Variants in ODAD2 observed in about 807,000 individuals in gnomAD.
ODAD2 encodes outer dynein arm docking complex subunit 2, also known as outer dynein arm-docking complex subunit 2.
In ODAD2, 89 loss-of-function variants were observed where a neutral mutation model predicts 106.8. The observed-to-expected ratio is 0.83, with a 90% confidence interval of 0.70 to 0.99. The LOEUF (loss-of-function observed/expected upper bound fraction) is 0.99. ODAD2 is among the 50% of genes least tolerant of loss of function. The probability of loss-of-function intolerance (pLI) is 0.00; values close to 1 mark genes in which losing one functional copy is unlikely to be tolerated. For missense variants in ODAD2, 1,168 were observed against 1,238.5 expected, an observed-to-expected ratio of 0.94 and a Z score of 0.85; for synonymous variants, 404 against 436.2, an observed-to-expected ratio of 0.93 and a Z score of 0.92.
rs533171697 is a variant in ODAD2, at chr10:27,850,177, G to T, written c.3021+10448C>A. 1.5e-4 allele frequency among the ~76,000 whole-genome samples: 23 copies of T among 152,268 alleles called. 1 individual carries two copies. In the East Asian group the frequency reaches 4.4e-3, roughly 29 times the overall value. ...GTGAAAACATTTGCTGGGCGTGGCG[G>T]CTCACACCTGTAATCTCAACACTTT... On this transcript the variant is annotated intron_variant, in intron 19 of 19. Coordinates refer to ENST00000305242, the MANE Select transcript of ODAD2 (RefSeq NM_018076.5).
chr10:27,926,059 C>A (rs1462152042), intron 16 of ODAD2, among the ~76,000 whole-genome samples: 1 of 149,414 alleles, frequency 6.7e-6, no homozygotes, highest in Admixed American at 6.7e-5. Context: ...CAGAGGTGAG[C>A]AAATTTTTCT....
At chr10:27,993,974 A>ATATATGTG (rs369833558) in intron 2 of ODAD2, among the ~76,000 whole-genome samples, 243 of 140,610 alleles carry the variant, frequency 1.7e-3, no homozygotes, top group East Asian at 4.6e-3. Flanking sequence ...ATATATATAT[A>ATATATGTG]TGTGTGTGTG....
At chr10:27,875,526 G>T (rs1305547973) in intron 17 of ODAD2, among the ~76,000 whole-genome samples, 2 of 152,160 alleles carry the variant, frequency 1.3e-5, no homozygotes, top group East Asian at 1.9e-4. Context: ...GTACAGATGG[G>T]GTTTTGGTGT....
At chr10:27,941,685 G>A (rs1199060023) in intron 12 of ODAD2, among the ~76,000 whole-genome samples, 1 of 147,826 alleles carries the variant, frequency 6.8e-6, no homozygotes, top group Non-Finnish European at 1.5e-5. Context: ...CAGTATGTCA[G>A]GTTGCCCCAT....
chr10:27,933,426 T>C (rs1845741711), intron 16 of ODAD2, among the ~76,000 whole-genome samples: 1 of 152,144 alleles, frequency 6.6e-6, no homozygotes. Flanking sequence ...GAAGGTTTTG[T>C]GGGCCAAGAA....
At chr10:27,912,406 T>C (rs971130628) in intron 16 of ODAD2, among the ~76,000 whole-genome samples, 6 of 151,392 alleles carry the variant, frequency 4.0e-5, no homozygotes, top group African/African-American at 1.5e-4. Context: ...TTTGGTTATT[T>C]AAAAAAAAAT....
intron 10 of ODAD2, among the ~76,000 whole-genome samples, chr10:27,945,258 A>G (rs898754566): frequency 1.3e-5 from 2 of 152,234 alleles, no homozygotes; most frequent in African/African-American, 4.8e-5. Flanking sequence ...GAGGAATGCA[A>G]GATGTACACA....
chr10:27,897,061 T>C (rs1240164727), intron 17 of ODAD2, among the ~76,000 whole-genome samples: 1 of 152,208 alleles, frequency 6.6e-6, no homozygotes, highest in Non-Finnish European at 1.5e-5. Context: ...ATTGTCTTCT[T>C]AGGGGTAAAT....
At chr10:27,900,803 A>G (rs1843146847) in intron 17 of ODAD2, among the ~76,000 whole-genome samples, 1 of 152,234 alleles carries the variant, frequency 6.6e-6, no homozygotes, top group South Asian at 2.1e-4. Flanking sequence ...TCCAAGAAAT[A>G]TGGGACTATG....
intron 19 of ODAD2, among the ~76,000 whole-genome samples, chr10:27,837,384 G>A (rs1377218471): frequency 4.6e-5 from 7 of 152,204 alleles, no homozygotes; most frequent in East Asian, 1.9e-4. Flanking sequence ...TCAGGTTGAC[G>A]TTCTGGCAAG....
At chr10:27,923,962 GAAAGAAAGAAAGAAA>G (rs1347348466) in intron 16 of ODAD2, among the ~76,000 whole-genome samples, 1 of 100,372 alleles carries the variant, frequency 1.0e-5, no homozygotes, top group African/African-American at 4.3e-5. Context: ...AAGAAAGAAA[GAAAGAAAGAAAGAAA>G]GAAAGAAAGA....
chr10:27,812,503 A>C lies in ODAD2; in HGVS notation c.*9T>G. Reference sequence around the variant, plus strand: ...TAGAATTTGATAGCTTGTAATGTCCATTTAAATTTCAAGTGTATCTTGCCT... The same window carrying C: ...TAGAATTTGATAGCTTGTAATGTCCCTTTAAATTTCAAGTGTATCTTGCCT... On this transcript the variant is annotated 3_prime_UTR_variant, in exon 20 of 20. Transcript: ENST00000305242. The C allele has an allele frequency of 6.2e-7, 1 of 1,612,640 alleles. No individual in the cohort carries two copies.
At chr10:27,995,638 G>A (rs753404923) in intron 1 of ODAD2, 38 of 153,912 alleles carry the variant, frequency 2.5e-4, no homozygotes, top group Non-Finnish European at 4.5e-4. Flanking sequence ...CTGTTATCCC[G>A]ACTTTCTTAC....
At chr10:27,871,794 C>T (rs1026986419) in intron 17 of ODAD2, among the ~76,000 whole-genome samples, 1 of 152,134 alleles carries the variant, frequency 6.6e-6, no homozygotes, top group Non-Finnish European at 1.5e-5. Context: ...TAGCGTGATG[C>T]CTGCAGCTGT....
intron 17 of ODAD2, among the ~76,000 whole-genome samples, chr10:27,901,525 G>T (rs1034819805): frequency 6.6e-6 from 1 of 152,122 alleles, no homozygotes; most frequent in African/African-American, 2.4e-5. Flanking sequence ...TGGCAAATTG[G>T]ATAAAGATCA....
At chr10:27,883,963 G>A (rs568902878) in intron 17 of ODAD2, among the ~76,000 whole-genome samples, 3 of 151,558 alleles carry the variant, frequency 2.0e-5, no homozygotes, top group East Asian at 3.9e-4. Flanking sequence ...ATACACATAT[G>A]AGCATTCTAG....
At chr10:27,891,827 A>C (rs1842582755) in intron 17 of ODAD2, among the ~76,000 whole-genome samples, 1 of 152,234 alleles carries the variant, frequency 6.6e-6, no homozygotes, top group African/African-American at 2.4e-5. Context: ...GCATGAAAAT[A>C]ATCGTGTGAT....
At chr10:27,892,378 G>A (rs10826357) in intron 17 of ODAD2, among the ~76,000 whole-genome samples, 100,746 of 151,954 alleles carry the variant, frequency 0.66, 33,719 homozygotes, top group Middle Eastern at 0.74. Flanking sequence ...AAAAAAGACC[G>A]TGCGGCTTTC....
At chr10:27,913,613 C>G (rs1221106366) in intron 16 of ODAD2, among the ~76,000 whole-genome samples, 5 of 152,098 alleles carry the variant, frequency 3.3e-5, no homozygotes. Context: ...TATCCACAAT[C>G]TATAAGAAAC....
Sources: allele counts gnomAD v4.1 joint callset (sites outside exome capture counted in the v4.1 genomes callset), GRCh38; gene constraint gnomAD v4.1.1; transcripts MANE v1.5; gene names NCBI Gene and HGNC (gene_info 2026-07-23, HGNC 2026-07-21).